SAMD11: variants seen among roughly 807,000 people sequenced by gnomAD.
SAMD11 encodes sterile alpha motif domain-containing protein 11.
Under a neutral mutation model 64.4 loss-of-function variants are expected in SAMD11, and 77 were observed. That is an observed-to-expected ratio of 1.20 (90% CI 0.99 to 1.44). The LOEUF (loss-of-function observed/expected upper bound fraction) is 1.44, where lower values mean the gene tolerates loss of function less well. SAMD11 is among the 40% of genes most tolerant of loss of function. The probability of loss-of-function intolerance (pLI) is 0.00; values close to 1 mark genes in which losing one functional copy is unlikely to be tolerated. For missense variants in SAMD11, 1,402 were observed against 943.3 expected (o/e 1.49, Z -6.37); for synonymous variants, 658 against 421.9 (o/e 1.56, Z -6.86).
intron 7 of SAMD11, among the ~76,000 whole-genome samples, chr1:940,866 C>T (rs1164858039): frequency 6.6e-6 from 1 of 152,244 alleles, no homozygotes; most frequent in Non-Finnish European, 1.5e-5. Flanking sequence ...ACAGCCCCCT[C>T]CCCGCAAGGC....
At position 942,399 on chromosome 1, in the gene SAMD11, C is replaced by T. The variant is rs1316201285; in HGVS notation, c.1475-11C>T. The T allele has an allele frequency of 1.4e-6, 2 of 1,456,732 alleles. No homozygotes were observed. Among genetic ancestry groups the T allele is most frequent in the South Asian group, 1.3e-5 (1 of 75,670 alleles). The allele number at this position is 1,456,732 out of a possible 1,614,324, so 90.2% of individuals were successfully genotyped here. A position where few individuals can be genotyped will look rare whatever the true frequency, so the allele number is the denominator to read the frequency against. On this transcript the variant is annotated splice_polypyrimidine_tract_variant and intron_variant, in intron 9 of 13. Coordinates refer to ENST00000616016, the MANE Select transcript of SAMD11 (RefSeq NM_001385641.1). Reference sequence around the variant, plus strand: ...GACCCCCCGACCCCGCGTTGTCCCCCTCCCCACCAGGCTACGGCTTCCTGC... The same window carrying T: ...GACCCCCCGACCCCGCGTTGTCCCCTTCCCCACCAGGCTACGGCTTCCTGC...
rs139437968 is a variant in SAMD11 at position 939,382 on chromosome 1, C to T, written c.1165C>T (p.Arg389Cys). 3.2e-4 allele frequency: 513 copies of T among 1,612,702 alleles called. 1 individual carries two copies. In the East Asian group the frequency reaches 5.1e-3, roughly 16 times the overall value. The change falls in exon 7 of 14, where the codon CGC (arginine) becomes TGC (cysteine). Residue 389 changes from arginine to cysteine, a missense_variant. By Grantham distance (180) the Arg-to-Cys change is radical. Transcript: ENST00000616016. ...SEASTFEDPQ[R>C]LYHLGLPSHD... ...GGCCAGCACCTTTGAGGACCCTCAG[C>T]GCCTCTACCACCTGGGCCTCCCCAG... is the stretch of plus-strand genomic sequence containing the variant.
At chr1:939,846 C>A (rs1641653105) in intron 7 of SAMD11, among the ~76,000 whole-genome samples, 1 of 152,150 alleles carries the variant, frequency 6.6e-6, no homozygotes, top group Admixed American at 6.5e-5. Context: ...AGCAGAAAGG[C>A]CGGGCTGGGT....
chr1:935,691 G>A (rs575242519), intron 4 of SAMD11, 81 bp from the exon 5 acceptor site: 29 of 1,585,076 alleles, frequency 1.8e-5, no homozygotes, highest in Non-Finnish European at 2.3e-5. Flanking sequence ...CACACACAGA[G>A]CTAGGCACTC....
chr1:926,624 A>G (rs1640903903), intron 2 of SAMD11, among the ~76,000 whole-genome samples: 1 of 152,110 alleles, frequency 6.6e-6, no homozygotes. Flanking sequence ...CCCAGGGTAG[A>G]CAGCTATGGA....
rs772533863 is a variant in SAMD11, at chr1:944,032, C to T, written c.2414C>T (p.Thr805Met). The change falls in exon 14 of 14, where the codon ACG (threonine) becomes ATG (methionine). Residue 805 changes from threonine to methionine, a missense_variant. Thr to Met is a moderately conservative substitution (Grantham distance 81). Transcript: ENST00000616016. ...LGTGEQPLSP[T>M]TATSPYGGGH... is the part of the protein sequence containing the mutation. ...ACAGGAGAGCAGCCCTTGTCCCCCA[C>T]GACGGCCACGTCCCCCTATGGAGGG... The T allele has an allele frequency of 1.7e-5, 27 of 1,612,862 alleles. No homozygotes were observed. Among genetic ancestry groups the T allele is most frequent in the Admixed American group, 3.3e-5 (2 of 60,024 alleles).
chr1:933,548 A>G (rs888548323), intron 4 of SAMD11, among the ~76,000 whole-genome samples: 2 of 151,950 alleles, frequency 1.3e-5, no homozygotes, highest in African/African-American at 4.8e-5. Flanking sequence ...GGGACACCAG[A>G]GGGGGGACCC....
intron 2 of SAMD11, 105 bp downstream of exon 2, chr1:926,118 C>T (rs1305932475): frequency 1.3e-5 from 14 of 1,119,064 alleles, no homozygotes; most frequent in Non-Finnish European, 1.6e-5. Flanking sequence ...CTCACCCCTG[C>T]GGGTGTGCTG....
chr1:944,030 C>T lies in SAMD11; in HGVS notation c.2412C>T (p.Pro804=). The T allele has an allele frequency of 3.1e-6, 5 of 1,612,862 alleles. No individual in the cohort carries two copies. Among genetic ancestry groups the T allele is most frequent in the Non-Finnish European group, 4.2e-6 (5 of 1,179,986 alleles). ...ELGTGEQPLS[P]TTATSPYGGG... Reference sequence around the variant, plus strand: ...GCACAGGAGAGCAGCCCTTGTCCCCCACGACGGCCACGTCCCCCTATGGAG... The same window carrying T: ...GCACAGGAGAGCAGCCCTTGTCCCCTACGACGGCCACGTCCCCCTATGGAG... Residue 804 remains proline (P), a synonymous_variant, in exon 14 of 14, where the codon CCC becomes CCT. Transcript: ENST00000616016.
chr1:939,755 C>T (rs1179563520), intron 7 of SAMD11, among the ~76,000 whole-genome samples: 2 of 152,164 alleles, frequency 1.3e-5, no homozygotes, highest in Non-Finnish European at 2.9e-5. Flanking sequence ...CTCCTGGACC[C>T]TGTGGTCTGT....
intron 4 of SAMD11, among the ~76,000 whole-genome samples, chr1:933,654 G>A (rs1387399020): frequency 6.6e-6 from 1 of 152,156 alleles, no homozygotes; most frequent in Non-Finnish European, 1.5e-5. Flanking sequence ...ACACCCCCGC[G>A]TCGATTAGGA....
At chr1:927,491 C>T (rs1335646908) in intron 2 of SAMD11, among the ~76,000 whole-genome samples, 3 of 152,194 alleles carry the variant, frequency 2.0e-5, no homozygotes, top group African/African-American at 7.2e-5. Context: ...AGGGACGGCT[C>T]AGATCCAGGC....
rs373362489 is a variant in SAMD11 at position 936,273 on chromosome 1, C to T, written c.967+377C>T. ...AGGGCTCCTGGACGGAAGGGGTCCC[C>T]GGTCCCGCCTCCTAGGGCTCCTGGA... On this transcript the variant is annotated intron_variant, in intron 5 of 13. Coordinates refer to ENST00000616016, the MANE Select transcript of SAMD11 (RefSeq NM_001385641.1). Among the ~76,000 whole-genome samples, 21 of 135,642 alleles carry T rather than the reference C, an allele frequency of 1.5e-4. 1 individual carries two copies. In the East Asian group the frequency reaches 4.2e-3, roughly 27 times the overall value. The allele number at this position is 135,642 out of a possible 152,430, so 89.0% of individuals were successfully genotyped here. A position where few individuals can be genotyped will look rare whatever the true frequency, so the allele number is the denominator to read the frequency against.
At chr1:925,805 G>C (rs1006880112) in intron 1 of SAMD11, 117 bp from the exon 2 acceptor site, 1 of 724,418 alleles carries the variant, frequency 1.4e-6, no homozygotes, top group Non-Finnish European at 2.4e-6. Flanking sequence ...GCCGAGGTGG[G>C]TGTGGGGTTC....
chr1:940,003 C>T (rs1641661314), intron 7 of SAMD11, among the ~76,000 whole-genome samples: 1 of 152,132 alleles, frequency 6.6e-6, no homozygotes, highest in Non-Finnish European at 1.5e-5. Context: ...CTCGGACCCC[C>T]TGCCCGCTGC....
chr1:942,851 GC>G lies in SAMD11; in HGVS notation c.1847del (p.Ala616ValfsTer72). ...RPSESKEMTGARLWAQDGSED... is the reference protein window; with the variant it reads ...RPSESKEMTGXRLWAQDGSED... ...CAGCGAGTCCAAGGAGATGACGGGGGCTAGGCTCTGGGCACAAGATGGCTCG... is the reference window on the plus strand; with the variant it reads ...CAGCGAGTCCAAGGAGATGACGGGGGTAGGCTCTGGGCACAAGATGGCTCG... On this transcript the variant is annotated frameshift_variant, in exon 11 of 14. Coordinates refer to ENST00000616016, the MANE Select transcript of SAMD11 (RefSeq NM_001385641.1). LOFTEE classifies it high-confidence loss of function. 1.9e-6 allele frequency: 3 copies of G among 1,552,316 alleles called. No individual in the cohort carries two copies. The highest frequency in any genetic ancestry group is 2.6e-6 in the Non-Finnish European group (3 of 1,148,012).
chr1:939,179 C>T, intron 6 of SAMD11, 50 bp downstream of exon 6: 1 of 1,552,292 alleles, frequency 6.4e-7, no homozygotes, highest in Non-Finnish European at 8.7e-7. Context: ...AGGGGGCAGT[C>T]CCTGAGGGTC....
intron 2 of SAMD11, among the ~76,000 whole-genome samples, chr1:928,047 CA>C (rs1225572053): frequency 5.3e-5 from 8 of 152,270 alleles, no homozygotes; most frequent in Non-Finnish European, 1.2e-4. Context: ...CTCTCTTCCC[CA>C]TCCCACAGAC....
chr1:937,853 G>C (rs528266218), intron 5 of SAMD11, among the ~76,000 whole-genome samples: 1 of 152,378 alleles, frequency 6.6e-6, no homozygotes, highest in Non-Finnish European at 1.5e-5. Flanking sequence ...TGTAATGTGG[G>C]ATTGATCGGT....
Sources: allele counts gnomAD v4.1 joint callset (sites outside exome capture counted in the v4.1 genomes callset), GRCh38; gene constraint gnomAD v4.1.1; transcripts MANE v1.5; gene names NCBI Gene and HGNC (gene_info 2026-07-23, HGNC 2026-07-21).